Variants in PIP4K2A observed in about 807,000 individuals in gnomAD.
The protein encoded by PIP4K2A is phosphatidylinositol-5-phosphate 4-kinase type 2 alpha, also known as phosphatidylinositol 5-phosphate 4-kinase type-2 alpha.
PIP4K2A carries 14 observed loss-of-function variants against 42.9 expected under a neutral mutation model. The ratio of observed to expected loss-of-function variants is 0.33; its 90% CI spans 0.22 to 0.51. PIP4K2A has a LOEUF of 0.51. Among genes scored for constraint, PIP4K2A ranks in the 20% least tolerant of loss-of-function variants. The pLI is 0.97. For missense variants in PIP4K2A, 434 were observed against 519.8 expected, an observed-to-expected ratio of 0.83 and a Z score of 1.61; for synonymous variants, 192 against 192.2, an observed-to-expected ratio of 1.00 and a Z score of 0.01.
intron 1 of PIP4K2A, among the ~76,000 whole-genome samples, chr10:22,666,338 T>G (rs1479823745): frequency 6.6e-6 from 1 of 152,186 alleles, no homozygotes; most frequent in Non-Finnish European, 1.5e-5. Flanking sequence ...ATGATGGCCA[T>G]CTAAACTCCA....
At chr10:22,692,694 C>A (rs1839897097) in intron 1 of PIP4K2A, among the ~76,000 whole-genome samples, 1 of 152,202 alleles carries the variant, frequency 6.6e-6, no homozygotes, top group Admixed American at 6.5e-5. Context: ...GCCCCACTTA[C>A]GGCCTTCCCT....
intron 1 of PIP4K2A, chr10:22,646,302 AGG>A (rs1838879989): frequency 6.6e-6 from 1 of 152,224 alleles, no homozygotes; most frequent in Non-Finnish European, 1.5e-5. Context: ...GAATAGAGAA[AGG>A]GAGATTAAGA....
intron 8 of PIP4K2A, among the ~76,000 whole-genome samples, chr10:22,541,515 A>C (rs1836112930): frequency 6.6e-6 from 1 of 152,228 alleles, no homozygotes; most frequent in Non-Finnish European, 1.5e-5. Context: ...GTTGTATGCC[A>C]GTGTGTATGT....
Position 22,537,081 on chromosome 10 carries a change from A to C in PIP4K2A, c.*120T>G, listed in dbSNP as rs1422156563. The C allele has an allele frequency of 4.2e-6, 3 of 716,256 alleles. No homozygotes were observed. The highest frequency in any genetic ancestry group is 7.2e-6 in the Non-Finnish European group (3 of 418,998). 44.4% of individuals were successfully genotyped at this position (716,256 alleles called of 1,614,324 possible). ...ATCAGTCATCTTGGCCTGAAGATGT[A>C]AACAAGGAGGTTTGCTTCCTGCAAG... On this transcript the variant is annotated 3_prime_UTR_variant, in exon 10 of 10. Coordinates refer to ENST00000376573, the MANE Select transcript of PIP4K2A (RefSeq NM_005028.5).
At chr10:22,664,228 T>TATATAC (rs1554807358) in intron 1 of PIP4K2A, among the ~76,000 whole-genome samples, 3 of 89,886 alleles carry the variant, frequency 3.3e-5, no homozygotes, top group Non-Finnish European at 5.8e-5. Context: ...CATATATATA[T>TATATAC]ACACACACAC....
At chr10:22,562,440 T>C (rs1163512496) in intron 6 of PIP4K2A, among the ~76,000 whole-genome samples, 1 of 151,968 alleles carries the variant, frequency 6.6e-6, no homozygotes, top group African/African-American at 2.4e-5. Flanking sequence ...TCCCAGCTAC[T>C]AGGGAGGCTG....
intron 7 of PIP4K2A, among the ~76,000 whole-genome samples, chr10:22,548,584 C>T (rs1223354727): frequency 6.6e-6 from 1 of 152,164 alleles, no homozygotes; most frequent in Non-Finnish European, 1.5e-5. Flanking sequence ...ACTAAGGATA[C>T]TTATCAGTTG....
At chr10:22,637,163 A>G (rs1319991988) in intron 1 of PIP4K2A, among the ~76,000 whole-genome samples, 2 of 152,236 alleles carry the variant, frequency 1.3e-5, no homozygotes, top group Non-Finnish European at 2.9e-5. Flanking sequence ...ATGGAAGTGT[A>G]TATTTTAAAA....
At chr10:22,704,133 A>C (rs1833765233) in intron 1 of PIP4K2A, among the ~76,000 whole-genome samples, 1 of 152,216 alleles carries the variant, frequency 6.6e-6, no homozygotes, top group African/African-American at 2.4e-5. Context: ...GTAAAATGGT[A>C]TAAAAAGCCA....
intron 2 of PIP4K2A, among the ~76,000 whole-genome samples, chr10:22,608,438 C>A (rs957302068): frequency 6.6e-6 from 1 of 152,190 alleles, no homozygotes; most frequent in Non-Finnish European, 1.5e-5. Flanking sequence ...CCCTCACCCC[C>A]CTAAAAGGCC....
chr10:22,650,750 AT>A (rs1266208058), intron 1 of PIP4K2A, among the ~76,000 whole-genome samples: 2 of 152,222 alleles, frequency 1.3e-5, no homozygotes, highest in East Asian at 3.8e-4. Flanking sequence ...ACCAACTTCT[AT>A]ACTTTCTAGA....
chr10:22,619,644 C>T (rs1464371268), intron 1 of PIP4K2A, among the ~76,000 whole-genome samples: 1 of 151,922 alleles, frequency 6.6e-6, no homozygotes, highest in Admixed American at 6.6e-5. Flanking sequence ...ACCATGTTAG[C>T]CAGGCTGGTC....
At chr10:22,678,305 C>T (rs1839598103) in intron 1 of PIP4K2A, among the ~76,000 whole-genome samples, 1 of 152,026 alleles carries the variant, frequency 6.6e-6, no homozygotes, top group Non-Finnish European at 1.5e-5. Flanking sequence ...CGGCACCACA[C>T]ATGTGCGTGT....
rs1836046572 is a variant in PIP4K2A, at chr10:22,539,879, G to A, written c.1140+92C>T. 1.0e-5 allele frequency: 8 copies of A among 791,978 alleles called. No individual in the cohort carries two copies. The South Asian group carries it at 1.1e-4, about 11-fold the overall frequency. 49.1% of individuals were successfully genotyped at this position (791,978 alleles called of 1,614,324 possible). ...ATCCCTGAGTTACAGGTCACACAGA[G>A]GAGCCAGGAGAGAGAGAGAGAGAGA... On this transcript the variant is annotated intron_variant, in intron 9 of 9. Transcript: ENST00000376573.
chr10:22,577,557 T>C (rs1002459785), intron 4 of PIP4K2A, among the ~76,000 whole-genome samples: 2 of 152,242 alleles, frequency 1.3e-5, no homozygotes, highest in African/African-American at 4.8e-5. Flanking sequence ...ACCATGCTTC[T>C]TGTACAGTCT....
At chr10:22,677,857 T>C (rs867043559) in intron 1 of PIP4K2A, among the ~76,000 whole-genome samples, 1 of 152,130 alleles carries the variant, frequency 6.6e-6, no homozygotes. Flanking sequence ...CTAGCTGAAG[T>C]TTAAATGAAA....
chr10:22,591,293 T>C (rs1006580314), intron 4 of PIP4K2A, among the ~76,000 whole-genome samples: 1 of 152,248 alleles, frequency 6.6e-6, no homozygotes, highest in Non-Finnish European at 1.5e-5. Context: ...GGTCAACACC[T>C]AATCTCTGGC....
chr10:22,669,191 A>C (rs750757488), intron 1 of PIP4K2A, among the ~76,000 whole-genome samples: 3 of 152,152 alleles, frequency 2.0e-5, no homozygotes, highest in Non-Finnish European at 4.4e-5. Flanking sequence ...TCACAAAGAG[A>C]ATGAGTAAAA....
chr10:22,671,810 A>G (rs1839456430), intron 1 of PIP4K2A, among the ~76,000 whole-genome samples: 1 of 151,328 alleles, frequency 6.6e-6, no homozygotes, highest in Non-Finnish European at 1.5e-5. Context: ...ATATTTTTCT[A>G]GCGAAATGCA....
Sources: gnomAD v4.1 joint callset for allele counts (sites outside exome capture counted in the v4.1 genomes callset) on GRCh38, gnomAD v4.1.1 for gene constraint, MANE v1.5 for transcripts, NCBI Gene and HGNC (gene_info 2026-07-23, HGNC 2026-07-21) for gene names.